The following ZWILCH variants were observed in gnomAD, a reference collection of about 807,000 sequenced individuals.
ZWILCH encodes the protein protein zwilch homolog.
In ZWILCH, 74 loss-of-function variants were observed where a neutral mutation model predicts 79.9. That is an observed-to-expected ratio of 0.93 (90% CI 0.77 to 1.12). ZWILCH has a LOEUF of 1.12. ZWILCH is among the 50% of genes most tolerant of loss of function. ZWILCH has a pLI of 0.00. For missense variants in ZWILCH, 694 were observed against 687.5 expected (o/e 1.01, Z -0.11); for synonymous variants, 241 against 228.2 (o/e 1.06, Z -0.51).
intron 17 of ZWILCH, among the ~76,000 whole-genome samples, chr15:66,541,545 G>C (rs1445579910): frequency 6.6e-6 from 1 of 152,126 alleles, no homozygotes; most frequent in African/African-American, 2.4e-5. Context: ...CTGTCATAGT[G>C]TCTTCTCCAT....
intron 17 of ZWILCH, among the ~76,000 whole-genome samples, chr15:66,541,302 A>ACACACG (rs900610937): frequency 2.6e-5 from 4 of 152,090 alleles, no homozygotes; most frequent in African/African-American, 7.2e-5. Flanking sequence ...CACCACACAC[A>ACACACG]CACACGCACA....
At position 66,527,906 on chromosome 15, in the gene ZWILCH, G is replaced by T. The variant is rs201666467; in HGVS notation, c.963G>T (p.Glu321Asp). 1 of 1,599,384 alleles carries T rather than the reference G, an allele frequency of 6.3e-7. No homozygotes were observed. The highest frequency in any genetic ancestry group is 8.5e-7 in the Non-Finnish European group (1 of 1,176,366). ...GFGDSTKKDT[E>D]VETLKHDTAA... Reference sequence around the variant, plus strand: ...GTGATTCTACAAAAAAAGACACTGAGGTTGAGGTAAGTGATTATTATCAGT... The same window carrying T: ...GTGATTCTACAAAAAAAGACACTGATGTTGAGGTAAGTGATTATTATCAGT... Residue 321 changes from glutamate to aspartate, a missense_variant, in exon 10 of 19, where the codon GAG becomes GAT. Physicochemically the swap from Glu to Asp is conservative, Grantham distance 45. Transcript: ENST00000307897.
Position 66,532,312 on chromosome 15 carries a change from C to T in ZWILCH, c.1221C>T (p.Asp407=). Residue 407 remains aspartate, a synonymous_variant, in exon 13 of 19, where the codon GAC becomes GAT. Coordinates refer to ENST00000307897, the MANE Select transcript of ZWILCH (RefSeq NM_017975.5). ...LIHQSYHGTM[D]TVSLSGTIPV... ...ATCAGTCTTATCATGGAACCATGGA[C>T]ACAGTTTCTCTCAGTGGGACTATTC... 2 of 1,612,506 alleles carry T rather than the reference C, an allele frequency of 1.2e-6. No homozygotes were observed. The highest frequency in any genetic ancestry group is 1.7e-6 in the Non-Finnish European group (2 of 1,179,300).
At chr15:66,518,780 C>G in intron 4 of ZWILCH, 99 bp from the exon 5 acceptor site, 1 of 1,150,574 alleles carries the variant, frequency 8.7e-7, no homozygotes, top group South Asian at 1.4e-5. Context: ...CACTGCATTC[C>G]AGCCTGGGCA....
chr15:66,543,129 T>TG (rs1895246702), intron 17 of ZWILCH, among the ~76,000 whole-genome samples: 1 of 151,806 alleles, frequency 6.6e-6, no homozygotes, highest in South Asian at 2.1e-4. Flanking sequence ...ACTTTGGGAG[T>TG]GGGGGGCTGC....
chr15:66,516,948 G>A (rs754810364), intron 4 of ZWILCH, among the ~76,000 whole-genome samples: 3 of 152,006 alleles, frequency 2.0e-5, no homozygotes, highest in Non-Finnish European at 4.4e-5. Context: ...TGATTCATGC[G>A]CTTATTTCTT....
At chr15:66,520,971 G>C in intron 6 of ZWILCH, 79 bp from the exon 7 acceptor site, 2 of 1,490,900 alleles carry the variant, frequency 1.3e-6, no homozygotes, top group Non-Finnish European at 1.8e-6. Flanking sequence ...TTTGGGACAA[G>C]GATCAAAATA....
rs770824598 is a variant in ZWILCH, at chr15:66,505,359, C to A, written c.21C>A (p.Cys7Ter). MWERLN[C>*]AAEDFYSRLL... ...GCGGGATGTGGGAGCGGCTGAACTG[C>A]GCAGCAGAGGACTTTTATTCTCGTC... Residue 7 changes from cysteine (C) to a stop codon, truncating the protein, a stop_gained, in exon 1 of 19, where the codon TGC (cysteine) becomes TGA (stop). Coordinates refer to ENST00000307897, the MANE Select transcript of ZWILCH (RefSeq NM_017975.5). LOFTEE classifies it high-confidence loss of function. The A allele has an allele frequency of 6.2e-6, 10 of 1,613,946 alleles. No individual in the cohort carries two copies. Among genetic ancestry groups the A allele is most frequent in the Non-Finnish European group, 8.5e-6 (10 of 1,180,018 alleles).
At chr15:66,546,770 C>T (rs1567055241) in intron 18 of ZWILCH, 65 bp downstream of exon 18, 1 of 786,378 alleles carries the variant, frequency 1.3e-6, no homozygotes, top group Non-Finnish European at 1.9e-6. Context: ...ACGTTTAGTT[C>T]TTTCTACATT....
chr15:66,514,118 C>T, intron 3 of ZWILCH, 35 bp downstream of exon 3: 1 of 1,487,264 alleles, frequency 6.7e-7, no homozygotes, highest in Non-Finnish European at 9.2e-7. Flanking sequence ...TTGTTTAATT[C>T]TCCATAACCA....
At chr15:66,517,588 A>C (rs1894331242) in intron 4 of ZWILCH, among the ~76,000 whole-genome samples, 1 of 150,062 alleles carries the variant, frequency 6.7e-6, no homozygotes, top group South Asian at 2.1e-4. Context: ...TAACCATGGA[A>C]CAATGATGAG....
intron 18 of ZWILCH, chr15:66,547,843 G>A (rs1895438001): frequency 6.6e-6 from 1 of 152,278 alleles, no homozygotes; most frequent in Non-Finnish European, 1.5e-5. Context: ...CTGGAGTGCA[G>A]TGGTGTGATC....
At chr15:66,542,466 T>G (rs1895222014) in intron 17 of ZWILCH, among the ~76,000 whole-genome samples, 1 of 152,088 alleles carries the variant, frequency 6.6e-6, no homozygotes, top group Non-Finnish European at 1.5e-5. Context: ...GTGCCTGTAG[T>G]CCCAGCTCTT....
chr15:66,519,464 A>G (rs989007324), intron 5 of ZWILCH, among the ~76,000 whole-genome samples: 1 of 151,918 alleles, frequency 6.6e-6, no homozygotes, highest in African/African-American at 2.4e-5. Context: ...TTATTTACTT[A>G]TTTATTTTGA....
At chr15:66,513,675 C>T (rs1894151334) in intron 2 of ZWILCH, among the ~76,000 whole-genome samples, 1 of 151,850 alleles carries the variant, frequency 6.6e-6, no homozygotes, top group African/African-American at 2.4e-5. Context: ...GGGTTCACAC[C>T]ATTCTCCTGC....
intron 17 of ZWILCH, among the ~76,000 whole-genome samples, chr15:66,544,724 T>TTTTTTTTG (rs145952622): frequency 3.5e-4 from 45 of 128,540 alleles, no homozygotes; most frequent in African/African-American, 1.1e-3. Context: ...TTTTTGGTTT[T>TTTTTTTTG]TGTGTGTGTG....
At chr15:66,544,724 T>TTTTTTTTTTTTTGTGTGTGTG (rs145952622) in intron 17 of ZWILCH, among the ~76,000 whole-genome samples, 2 of 128,544 alleles carry the variant, frequency 1.6e-5, no homozygotes, top group East Asian at 4.9e-4. Flanking sequence ...TTTTTGGTTT[T>TTTTTTTTTTTTTGTGTGTGTG]TGTGTGTGTG....
intron 8 of ZWILCH, among the ~76,000 whole-genome samples, chr15:66,524,259 A>G (rs1013920189): frequency 1.3e-5 from 2 of 152,180 alleles, no homozygotes; most frequent in Admixed American, 6.5e-5. Flanking sequence ...TTTCAGTAGT[A>G]TATGAGGGTT....
intron 16 of ZWILCH, among the ~76,000 whole-genome samples, chr15:66,538,963 TCA>T (rs1567051955): frequency 6.6e-6 from 1 of 152,162 alleles, no homozygotes; most frequent in African/African-American, 2.4e-5. Context: ...AATTCATAAC[TCA>T]CATCTCCAGC....
Sources: gnomAD v4.1 joint callset for allele counts (sites outside exome capture counted in the v4.1 genomes callset) on GRCh38, gnomAD v4.1.1 for gene constraint, MANE v1.5 for transcripts, NCBI Gene and HGNC (gene_info 2026-07-23, HGNC 2026-07-21) for gene names.